CNTN3: variants seen among roughly 807,000 people sequenced by gnomAD.
The protein encoded by CNTN3 is contactin 3, also known as contactin-3.
Under a neutral mutation model 119.1 loss-of-function variants are expected in CNTN3, and 60 were observed. The observed-to-expected ratio is 0.50, with a 90% CI of 0.41 to 0.62. CNTN3 has a LOEUF of 0.62. Among genes scored for constraint, CNTN3 ranks in the 20% least tolerant of loss-of-function variants. The pLI, the probability that CNTN3 is intolerant of heterozygous loss-of-function variation, is 0.00. For missense variants in CNTN3, 1,101 were observed against 1,242.4 expected (o/e 0.89, Z 1.71); for synonymous variants, 450 against 438.7 (o/e 1.03, Z -0.32).
chr3:74,282,579 A>C (rs1702034471), intron 20 of CNTN3, among the ~76,000 whole-genome samples: 1 of 152,186 alleles, frequency 6.6e-6, no homozygotes, highest in South Asian at 2.1e-4. Flanking sequence ...TAGAATCCAT[A>C]GGGGAAGAGC....
rs1235937514 is a variant in CNTN3 at position 74,263,194 on chromosome 3, C to G, written c.*1207G>C. On this transcript the variant is annotated 3_prime_UTR_variant, in exon 23 of 23. Transcript: ENST00000263665. ...TATTGCTATGAAGTCACGTCTTCAACAATTTTTTGAAAACCACATATTGAA... is the reference window on the plus strand; with the variant it reads ...TATTGCTATGAAGTCACGTCTTCAAGAATTTTTTGAAAACCACATATTGAA... The G allele has an allele frequency of 6.6e-6, 1 of 152,068 alleles. No homozygotes were observed. The highest frequency in any genetic ancestry group is 1.5e-5 in the Non-Finnish European group (1 of 67,984). 9.4% of individuals were successfully genotyped at this position (152,068 alleles called of 1,614,324 possible).
intron 22 of CNTN3, 23 bp from the exon 23 acceptor site, chr3:74,264,524 C>A: frequency 1.4e-6 from 2 of 1,466,200 alleles, no homozygotes; most frequent in Admixed American, 1.7e-5. Context: ...ATGAAGAGCT[C>A]ATTAATAAGG....
intron 4 of CNTN3, among the ~76,000 whole-genome samples, chr3:74,478,864 C>T (rs536547635): frequency 8.5e-5 from 13 of 152,148 alleles, no homozygotes; most frequent in African/African-American, 3.1e-4. Context: ...AAGCAACTAA[C>T]CATCATTTAT....
At position 74,299,855 on chromosome 3, in the gene CNTN3, C is replaced by T. The variant is rs369038435; in HGVS notation, c.2166+13G>A. 5 of 1,602,912 alleles carry T rather than the reference C, an allele frequency of 3.1e-6. No individual in the cohort carries two copies. The highest frequency in any genetic ancestry group is 4.3e-6 in the Non-Finnish European group (5 of 1,174,690). On this transcript the variant is annotated intron_variant, in intron 17 of 22. Coordinates refer to ENST00000263665, the MANE Select transcript of CNTN3 (RefSeq NM_020872.3). The stretch of plus-strand genomic sequence containing the variant: ...CAAGACCCTGATGGGGAAGATGCTG[C>T]CCAAACACTTACATCCCAGGTTATC...
chr3:74,573,840 T>C (rs1704372280), intron 1 of CNTN3, among the ~76,000 whole-genome samples: 1 of 150,864 alleles, frequency 6.6e-6, no homozygotes, highest in African/African-American at 2.4e-5. Flanking sequence ...ATATTGCTCA[T>C]GGAAATGTAA....
chr3:74,554,561 T>C (rs1258618603), intron 1 of CNTN3, among the ~76,000 whole-genome samples: 1 of 152,154 alleles, frequency 6.6e-6, no homozygotes, highest in Non-Finnish European at 1.5e-5. Context: ...ATGGAATGTT[T>C]TTCCATTTGT....
At chr3:74,350,700 G>C (rs557627912) in intron 11 of CNTN3, among the ~76,000 whole-genome samples, 2 of 151,992 alleles carry the variant, frequency 1.3e-5, no homozygotes, top group East Asian at 3.9e-4. Context: ...ATTGGATAAA[G>C]AAAATATGGT....
intron 5 of CNTN3, among the ~76,000 whole-genome samples, chr3:74,419,568 C>A (rs929303814): frequency 6.6e-6 from 1 of 152,160 alleles, no homozygotes; most frequent in Admixed American, 6.5e-5. Flanking sequence ...GTTTTTCCAT[C>A]CCAAGGGCTA....
chr3:74,504,790 G>C (rs1270859309), intron 2 of CNTN3, among the ~76,000 whole-genome samples: 1 of 151,968 alleles, frequency 6.6e-6, no homozygotes, highest in Non-Finnish European at 1.5e-5. Context: ...TGTCATTCTC[G>C]GCTGGGAAGA....
chr3:74,282,357 T>C (rs1702030161), intron 20 of CNTN3, among the ~76,000 whole-genome samples: 1 of 152,148 alleles, frequency 6.6e-6, no homozygotes, highest in Admixed American at 6.5e-5. Flanking sequence ...ACATTTTAAG[T>C]GAGATGGTAA....
intron 11 of CNTN3, among the ~76,000 whole-genome samples, chr3:74,347,392 C>A (rs949574055): frequency 2.6e-5 from 4 of 152,110 alleles, no homozygotes; most frequent in Non-Finnish European, 5.9e-5. Flanking sequence ...CCGGTGTGCA[C>A]CAACATGCCT....
At chr3:74,391,825 T>C (rs540065852) in intron 5 of CNTN3, among the ~76,000 whole-genome samples, 4 of 152,224 alleles carry the variant, frequency 2.6e-5, no homozygotes, top group Admixed American at 1.3e-4. Flanking sequence ...GCCCGGCTAA[T>C]TTTTTGTATT....
chr3:74,392,593 A>C (rs1447578301), intron 5 of CNTN3, among the ~76,000 whole-genome samples: 1 of 152,196 alleles, frequency 6.6e-6, no homozygotes, highest in African/African-American at 2.4e-5. Context: ...GGTGCTAATG[A>C]GCATATAGTA....
At chr3:74,532,149 A>C (rs978322545) in intron 1 of CNTN3, among the ~76,000 whole-genome samples, 1 of 152,030 alleles carries the variant, frequency 6.6e-6, no homozygotes, top group African/African-American at 2.4e-5. Context: ...GATCAGCCAC[A>C]TAGTGGTGGG....
At chr3:74,469,078 TG>T (rs749651987) in intron 4 of CNTN3, among the ~76,000 whole-genome samples, 3 of 152,294 alleles carry the variant, frequency 2.0e-5, no homozygotes, top group East Asian at 3.9e-4. Flanking sequence ...AATTTAAATT[TG>T]TTTCATAGCA....
chr3:74,528,899 G>T (rs1242991719), intron 1 of CNTN3, among the ~76,000 whole-genome samples: 1 of 151,824 alleles, frequency 6.6e-6, no homozygotes, highest in Non-Finnish European at 1.5e-5. Context: ...TAATAGGCAC[G>T]AATGTAGAAG....
chr3:74,317,798 C>G (rs375102191), intron 13 of CNTN3, among the ~76,000 whole-genome samples: 2 of 152,066 alleles, frequency 1.3e-5, no homozygotes, highest in African/African-American at 2.4e-5. Context: ...ACTTTGGTGA[C>G]TCTGACAATT....
intron 1 of CNTN3, among the ~76,000 whole-genome samples, chr3:74,605,953 T>A (rs1252548174): frequency 2.6e-5 from 4 of 152,150 alleles, no homozygotes; most frequent in Non-Finnish European, 1.5e-5. Flanking sequence ...AGGCCTGATG[T>A]GTGTTTTATC....
intron 13 of CNTN3, among the ~76,000 whole-genome samples, chr3:74,307,498 G>C (rs192511021): frequency 4.6e-5 from 7 of 152,168 alleles, no homozygotes; most frequent in Non-Finnish European, 5.9e-5. Context: ...AAGCCAGTGT[G>C]TATCAAATGA....
Sources: allele counts gnomAD v4.1 joint callset (sites outside exome capture counted in the v4.1 genomes callset), GRCh38; gene constraint gnomAD v4.1.1; transcripts MANE v1.5; gene names NCBI Gene and HGNC (gene_info 2026-07-23, HGNC 2026-07-21).